SOX6: variants seen among roughly 807,000 people sequenced by gnomAD.
SOX6 encodes SRY-box transcription factor 6.
A neutral mutation model predicts 97.8 loss-of-function variants in SOX6; 11 were observed. The ratio of observed to expected loss-of-function variants is 0.11; its 90% CI spans 0.07 to 0.19. SOX6 has a LOEUF of 0.19. Among genes scored for constraint, SOX6 ranks in the 10% least tolerant of loss-of-function variants. The probability of loss-of-function intolerance (pLI) is 1.00; values close to 1 mark genes in which losing one functional copy is unlikely to be tolerated. For missense variants in SOX6, 810 were observed against 1,039.5 expected, an observed-to-expected ratio of 0.78 and a Z score of 3.04; for synonymous variants, 360 against 371.4, an observed-to-expected ratio of 0.97 and a Z score of 0.35.
intron 4 of SOX6, among the ~76,000 whole-genome samples, chr11:16,587,149 G>A (rs997885056): frequency 4.6e-5 from 7 of 152,108 alleles, no homozygotes; most frequent in Non-Finnish European, 1.0e-4. Flanking sequence ...TAGATTACCT[G>A]GGGAAAATCT....
At chr11:16,332,278 A>C (rs1029623503) in intron 2 of SOX6, among the ~76,000 whole-genome samples, 11 of 152,152 alleles carry the variant, frequency 7.2e-5, no homozygotes, top group African/African-American at 2.7e-4. Context: ...GTGCTTATGC[A>C]AAAAATTATT....
At chr11:16,225,491 A>C (rs2134163353) in intron 4 of SOX6, among the ~76,000 whole-genome samples, 1 of 152,126 alleles carries the variant, frequency 6.6e-6, no homozygotes, top group East Asian at 1.9e-4. Flanking sequence ...AAAAAAAAAA[A>C]AAACAGAGTA....
intron 3 of SOX6, among the ~76,000 whole-genome samples, chr11:16,237,500 G>A (rs553981374): frequency 1.6e-4 from 25 of 152,086 alleles, no homozygotes; most frequent in African/African-American, 5.5e-4. Flanking sequence ...CTACATTAAT[G>A]GGACATTAGT....
chr11:15,990,748 G>T (rs767487430), intron 13 of SOX6, among the ~76,000 whole-genome samples: 12 of 152,100 alleles, frequency 7.9e-5, no homozygotes, highest in East Asian at 1.9e-4. Context: ...GGCTTCTACC[G>T]CATAACAGGA....
chr11:16,033,556 C>T (rs960108895), intron 12 of SOX6, among the ~76,000 whole-genome samples: 1 of 152,086 alleles, frequency 6.6e-6, no homozygotes, highest in African/African-American at 2.4e-5. Flanking sequence ...TACCAACCTC[C>T]CTTGAAGGAG....
At chr11:16,164,916 C>T (rs1331352960) in intron 6 of SOX6, among the ~76,000 whole-genome samples, 1 of 151,768 alleles carries the variant, frequency 6.6e-6, no homozygotes, top group Non-Finnish European at 1.5e-5. Context: ...CTTCATATAG[C>T]TAATTTCAGT....
Position 16,318,493 on chromosome 11 carries a change from G to A in SOX6, c.398C>T (p.Thr133Ile), listed in dbSNP as rs1217600087. Residue 133 changes from threonine to isoleucine, a missense_variant, in exon 3 of 16, where the codon ACA becomes ATA. Thr to Ile is a moderately conservative substitution (Grantham distance 89, BLOSUM62 -1). This residue lies in a region of SOX6 where 46 missense variants were observed against 84.1 expected (regional missense o/e 0.55). Coordinates refer to ENST00000683767, the MANE Select transcript of SOX6 (RefSeq NM_001367873.1). ...RKGSLADVVD[T>I]LKQKKLEEMT... ...TTCCTCAAGCTTCTTCTGTTTCAGT[G>A]TGTCCACCACATCGGCAAGACTCCC... 6.2e-7 allele frequency: 1 copy of A among 1,613,102 alleles called. No homozygotes were observed. Among genetic ancestry groups the A allele is most frequent in the African/African-American group, 1.3e-5 (1 of 74,652 alleles).
At chr11:16,666,610 A>T (rs1365201276) in intron 3 of SOX6, among the ~76,000 whole-genome samples, 2 of 152,188 alleles carry the variant, frequency 1.3e-5, no homozygotes, top group Admixed American at 6.5e-5. Flanking sequence ...GTTTGAAAAC[A>T]GCCTGGCAAA....
At chr11:16,495,905 C>G (rs9971473) in intron 4 of SOX6, among the ~76,000 whole-genome samples, 1 of 152,158 alleles carries the variant, frequency 6.6e-6, no homozygotes, top group Admixed American at 6.5e-5. Context: ...CTGTCTCCAA[C>G]AAAATATCAC....
chr11:16,615,145 T>C (rs1848456085), intron 3 of SOX6, among the ~76,000 whole-genome samples: 1 of 152,184 alleles, frequency 6.6e-6, no homozygotes, highest in East Asian at 1.9e-4. Flanking sequence ...AGAACAGTAC[T>C]GAAGTTTCCC....
rs1564971870 is a variant in SOX6, at chr11:16,132,305, AGGAAGGAAGGAAGGAAG to A, written c.778-20399_778-20383del. Among the ~76,000 whole-genome samples the A allele has an allele frequency of 1.4e-4, 18 of 129,710 alleles. 1 individual carries two copies. The highest frequency in any genetic ancestry group is 5.2e-4 in the African/African-American group (17 of 32,702). 85.1% of individuals were successfully genotyped at this position (129,710 alleles called of 152,430 possible). On this transcript the variant is annotated intron_variant, in intron 6 of 15. Transcript: ENST00000683767. ...AAGGAAGGAAGGAAGGAAGGAAGGAAGGAAGGAAGGAAGGAAGGAAGGAAGGAAAGAAAAAAGAAAGA... is the reference window on the plus strand; with the variant it reads ...AAGGAAGGAAGGAAGGAAGGAAGGAAGAAGGAAGGAAAGAAAAAAGAAAGA...
chr11:16,113,822 G>T (rs1356624255), intron 6 of SOX6, among the ~76,000 whole-genome samples: 1 of 152,052 alleles, frequency 6.6e-6, no homozygotes, highest in African/African-American at 2.4e-5. Context: ...GAAGATGTTT[G>T]AATATTTAGC....
At chr11:16,567,630 G>C (rs1437559321) in intron 4 of SOX6, among the ~76,000 whole-genome samples, 45 of 143,428 alleles carry the variant, frequency 3.1e-4, no homozygotes, top group African/African-American at 1.1e-3. Context: ...GTGCAGTGGC[G>C]ATCTCTGCTC....
At chr11:16,653,153 T>G (rs1847677482) in intron 3 of SOX6, among the ~76,000 whole-genome samples, 1 of 152,178 alleles carries the variant, frequency 6.6e-6, no homozygotes, top group South Asian at 2.1e-4. Context: ...AAGGGAACAC[T>G]TACACACTGC....
chr11:16,073,272 C>T (rs1159316212), intron 9 of SOX6, among the ~76,000 whole-genome samples: 1 of 151,274 alleles, frequency 6.6e-6, no homozygotes, highest in Non-Finnish European at 1.5e-5. Flanking sequence ...AAACAGAAAA[C>T]AGAAAAAAGC....
intron 6 of SOX6, among the ~76,000 whole-genome samples, chr11:16,175,433 C>T (rs543429916): frequency 6.6e-6 from 1 of 152,026 alleles, no homozygotes; most frequent in Non-Finnish European, 1.5e-5. Context: ...TACTAAGTAA[C>T]AAAACAGACT....
At position 16,082,154 on chromosome 11, in the gene SOX6, A is replaced by G. The variant is rs946778440; in HGVS notation, c.1101+13842T>C. On this transcript the variant is annotated intron_variant, in intron 9 of 15. Transcript: ENST00000683767. The stretch of plus-strand genomic sequence containing the variant: ...TTTAGAATCAGCCAATAACATTACT[A>G]TCCCTTCTGGTTGGTCCTCTTCTGG... Among the ~76,000 whole-genome samples, 3 of 152,114 alleles carry G rather than the reference A, an allele frequency of 2.0e-5. No individual in the cohort carries two copies. In the East Asian group the frequency reaches 5.8e-4, roughly 29 times the overall value.
At chr11:16,466,615 C>A (rs1331448112) in intron 1 of SOX6, among the ~76,000 whole-genome samples, 2 of 147,758 alleles carry the variant, frequency 1.4e-5, no homozygotes, top group African/African-American at 2.5e-5. Context: ...GGAACTTAAA[C>A]AAAATTACAA....
intron 1 of SOX6, among the ~76,000 whole-genome samples, chr11:16,454,198 T>G (rs773392485): frequency 7.9e-5 from 12 of 151,982 alleles, no homozygotes; most frequent in Non-Finnish European, 1.8e-4. Flanking sequence ...ATTTTTTAGC[T>G]CTCCAAGGTA....
Sources: gnomAD v4.1 joint callset for allele counts (sites outside exome capture counted in the v4.1 genomes callset) on GRCh38, gnomAD v4.1.1 for gene constraint, gnomAD v4.1.1 regional missense constraint, MANE v1.5 for transcripts, NCBI Gene and HGNC (gene_info 2026-07-23, HGNC 2026-07-21) for gene names.